The following CDKAL1 variants were observed in gnomAD, a reference collection of about 807,000 sequenced individuals.
CDKAL1 encodes threonylcarbamoyladenosine tRNA methylthiotransferase.
A neutral mutation model predicts 68.2 loss-of-function variants in CDKAL1; 32 were observed. The ratio of observed to expected loss-of-function variants is 0.47; its 90% CI spans 0.35 to 0.63. The LOEUF is 0.63. Among genes scored for constraint, CDKAL1 ranks in the 30% least tolerant of loss-of-function variants. The probability of loss-of-function intolerance (pLI) is 0.00; values close to 1 mark genes in which losing one functional copy is unlikely to be tolerated. For missense variants in CDKAL1, 606 were observed against 696.7 expected (o/e 0.87, Z 1.47); for synonymous variants, 234 against 244.3 (o/e 0.96, Z 0.39).
At chr6:20,930,744 GTA>G (rs1561893328) in intron 9 of CDKAL1, among the ~76,000 whole-genome samples, 2 of 93,714 alleles carry the variant, frequency 2.1e-5, no homozygotes. Flanking sequence ...GGTATTATGT[GTA>G]TTTTTTTTTT....
At chr6:20,907,148 A>G (rs1762263724) in intron 9 of CDKAL1, among the ~76,000 whole-genome samples, 1 of 152,216 alleles carries the variant, frequency 6.6e-6, no homozygotes, top group South Asian at 2.1e-4. Flanking sequence ...CTGAAGATTG[A>G]TGGTTGGTGA....
chr6:20,572,139 T>G (rs1007666650), intron 4 of CDKAL1, among the ~76,000 whole-genome samples: 9 of 152,160 alleles, frequency 5.9e-5, no homozygotes, highest in African/African-American at 2.2e-4. Flanking sequence ...CCAGGTTAGC[T>G]TTATTGAATG....
At chr6:21,227,756 C>T (rs1316806535) in intron 15 of CDKAL1, among the ~76,000 whole-genome samples, 1 of 152,144 alleles carries the variant, frequency 6.6e-6, no homozygotes, top group African/African-American at 2.4e-5. Flanking sequence ...AAAAAGGATG[C>T]CCGAGGAAGA....
chr6:21,036,234 G>A (rs899755303), intron 11 of CDKAL1, among the ~76,000 whole-genome samples: 5 of 152,070 alleles, frequency 3.3e-5, no homozygotes, highest in Non-Finnish European at 2.9e-5. Context: ...TTTTTTTCAT[G>A]TAACTTCAGG....
intron 5 of CDKAL1, among the ~76,000 whole-genome samples, chr6:20,685,417 T>G (rs1244383319): frequency 6.6e-6 from 1 of 152,216 alleles, no homozygotes; most frequent in East Asian, 1.9e-4. Context: ...GCAGAAAGCC[T>G]TAAAGTTGAG....
rs577873381 is a variant in CDKAL1 at position 20,724,987 on chromosome 6, T to G, written c.372-14532T>G. On this transcript the variant is annotated intron_variant, in intron 5 of 15. Transcript: ENST00000274695. ...TAATTTTAGTCATTCTTGGCGAATG[T>G]GATAATTAGGGTAAAGTGCAATGAG... Among the ~76,000 whole-genome samples, 51 of 152,306 alleles carry G rather than the reference T, an allele frequency of 3.3e-4. 1 individual carries two copies. In the South Asian group the frequency reaches 0.01, roughly 31 times the overall value.
At chr6:20,569,977 G>T (rs1764630797) in intron 4 of CDKAL1, among the ~76,000 whole-genome samples, 1 of 152,040 alleles carries the variant, frequency 6.6e-6, no homozygotes, top group Non-Finnish European at 1.5e-5. Context: ...GTTGGAGGGT[G>T]TCTGGGACCT....
chr6:20,981,156 ACTT>A (rs1265900193), intron 10 of CDKAL1, among the ~76,000 whole-genome samples: 1 of 152,160 alleles, frequency 6.6e-6, no homozygotes, highest in Non-Finnish European at 1.5e-5. Flanking sequence ...TCATTTTTGA[ACTT>A]CTTTTATATA....
intron 4 of CDKAL1, among the ~76,000 whole-genome samples, chr6:20,551,876 A>G (rs1210834365): frequency 6.6e-6 from 1 of 151,898 alleles, no homozygotes. Context: ...TATTAAGAAA[A>G]TAGAATTTAT....
At chr6:21,117,260 C>T (rs1381132765) in intron 13 of CDKAL1, among the ~76,000 whole-genome samples, 1 of 151,080 alleles carries the variant, frequency 6.6e-6, no homozygotes, top group Admixed American at 6.6e-5. Context: ...TAAGGGACAC[C>T]CCCTTAAATT....
chr6:20,957,234 A>G (rs1764824098), intron 10 of CDKAL1, among the ~76,000 whole-genome samples: 1 of 152,220 alleles, frequency 6.6e-6, no homozygotes, highest in African/African-American at 2.4e-5. Context: ...AGATAGAGTC[A>G]GGTAAGTTCA....
At chr6:20,978,730 TAATTTTCAGTGAAAAATTAA>T (rs1561931779) in intron 10 of CDKAL1, among the ~76,000 whole-genome samples, 1 of 152,240 alleles carries the variant, frequency 6.6e-6, no homozygotes, top group East Asian at 1.9e-4. Context: ...TTGCAAATTT[TAATTTTCAGTGAAAAATTAA>T]AATGAAATTA....
intron 9 of CDKAL1, among the ~76,000 whole-genome samples, chr6:20,928,257 T>C (rs1763270420): frequency 6.6e-6 from 1 of 152,224 alleles, no homozygotes; most frequent in African/African-American, 2.4e-5. Flanking sequence ...CTCTTTAAAC[T>C]TATATTTTGC....
chr6:20,771,664 T>G (rs952060888), intron 7 of CDKAL1, among the ~76,000 whole-genome samples: 2 of 152,138 alleles, frequency 1.3e-5, no homozygotes, highest in African/African-American at 4.8e-5. Context: ...TGGGAGGTAT[T>G]TGGGTCATGG....
chr6:20,903,478 C>G (rs892195970), intron 9 of CDKAL1, among the ~76,000 whole-genome samples: 2 of 152,100 alleles, frequency 1.3e-5, no homozygotes, highest in Non-Finnish European at 2.9e-5. Context: ...TTTAGCTTTG[C>G]TGCTTTCACA....
At chr6:20,779,973 G>C (rs1343671592) in intron 7 of CDKAL1, among the ~76,000 whole-genome samples, 1 of 151,972 alleles carries the variant, frequency 6.6e-6, no homozygotes, top group African/African-American at 2.4e-5. Context: ...TCTAGGCTGT[G>C]TGCGGTGGCT....
chr6:20,862,667 G>GCGCA (rs1561839750), intron 9 of CDKAL1, among the ~76,000 whole-genome samples: 1 of 151,610 alleles, frequency 6.6e-6, no homozygotes, highest in African/African-American at 2.4e-5. Context: ...GTGTGTGCGC[G>GCGCA]CGTGCATGCG....
chr6:20,805,311 A>G (rs1776522930), intron 8 of CDKAL1, among the ~76,000 whole-genome samples: 1 of 152,182 alleles, frequency 6.6e-6, no homozygotes, highest in Admixed American at 6.5e-5. Context: ...TATGTGTGTT[A>G]GTATCTAGAG....
At chr6:20,988,401 G>A (rs888146376) in intron 10 of CDKAL1, among the ~76,000 whole-genome samples, 2 of 152,028 alleles carry the variant, frequency 1.3e-5, no homozygotes, top group Non-Finnish European at 2.9e-5. Context: ...AGCTATCTGC[G>A]CATTCAGTAG....
Sources: allele counts gnomAD v4.1 joint callset (sites outside exome capture counted in the v4.1 genomes callset), GRCh38; gene constraint gnomAD v4.1.1; transcripts MANE v1.5; gene names NCBI Gene and HGNC (gene_info 2026-07-23, HGNC 2026-07-21).